COL21A1: variants seen among roughly 807,000 people sequenced by gnomAD.
COL21A1 encodes the protein collagen type XXI alpha 1 chain, also known as collagen alpha-1(XXI) chain.
A neutral mutation model predicts 137.9 loss-of-function variants in COL21A1; 149 were observed. That is an observed-to-expected ratio of 1.08 (90% CI 0.95 to 1.24). The LOEUF (loss-of-function observed/expected upper bound fraction) is 1.24, where lower values mean the gene tolerates loss of function less well. COL21A1 is among the 50% of genes most tolerant of loss of function. The pLI is 0.00. For synonymous variants in COL21A1, 456 were observed against 391.5 expected (o/e 1.16, Z -1.95); for missense variants, 1,167 against 1,158.4 (o/e 1.01, Z -0.11).
At chr6:56,328,034 T>A (rs2152343086) in intron 1 of COL21A1, among the ~76,000 whole-genome samples, 2 of 152,172 alleles carry the variant, frequency 1.3e-5, no homozygotes, top group Admixed American at 1.3e-4. Flanking sequence ...GGGGTCAGGC[T>A]GCCCATCATA....
intron 16 of COL21A1, among the ~76,000 whole-genome samples, chr6:56,118,620 A>G (rs905757363): frequency 1.3e-5 from 2 of 152,018 alleles, no homozygotes; most frequent in South Asian, 4.1e-4. Context: ...ACAAAAACAT[A>G]CCACAAAACA....
At position 56,168,828 on chromosome 6, in the gene COL21A1, A is replaced by T. The variant is rs145927957; in HGVS notation, c.1027-531T>A. Reference sequence around the variant, plus strand: ...CTGGACATTTTTCACCCCCTCTTTGACTCATCCATTCCTCCAGGCCAATTA... The same window carrying T: ...CTGGACATTTTTCACCCCCTCTTTGTCTCATCCATTCCTCCAGGCCAATTA... On this transcript the variant is annotated intron_variant, in intron 5 of 29. Transcript: ENST00000244728. Among the ~76,000 whole-genome samples the T allele has an allele frequency of 5.7e-3, 864 of 151,734 alleles. 6 individuals carry two copies. The highest frequency in any genetic ancestry group is 0.019 in the African/African-American group (774 of 41,420).
At chr6:56,141,693 A>G in intron 12 of COL21A1, 92 bp downstream of exon 12, 1 of 1,357,368 alleles carries the variant, frequency 7.4e-7, no homozygotes, top group Non-Finnish European at 1.1e-6. Context: ...AGAATTCACC[A>G]AGACGCAGAC....
chr6:56,138,624 G>A (rs1774178752), intron 12 of COL21A1, among the ~76,000 whole-genome samples: 1 of 152,060 alleles, frequency 6.6e-6, no homozygotes, highest in Non-Finnish European at 1.5e-5. Flanking sequence ...AAGACAAGAA[G>A]AAATAATTGA....
intron 5 of COL21A1, 54 bp downstream of exon 5, chr6:56,170,595 A>T: frequency 8.0e-7 from 1 of 1,248,172 alleles, no homozygotes; most frequent in Non-Finnish European, 1.1e-6. Context: ...ACATAAACCC[A>T]ATAGTGCTTC....
chr6:56,185,426 CT>C lies in COL21A1; in HGVS notation c.-38-2771del, dbSNP rs777045553. On this transcript the variant is annotated intron_variant, in intron 1 of 29. Coordinates refer to ENST00000244728, the MANE Select transcript of COL21A1 (RefSeq NM_030820.4). ...TAAGTGGACAGGCGAAATGAACAGT[CT>C]TTTTTTTTTTTTTTTTTTTGAGACG... 3.4e-3 allele frequency among the ~76,000 whole-genome samples: 338 copies of C among 100,146 alleles called. 3 individuals are homozygous for C. The highest frequency in any genetic ancestry group is 9.1e-3 in the African/African-American group (230 of 25,218). 65.7% of individuals were successfully genotyped at this position (100,146 alleles called of 152,430 possible).
At chr6:56,296,155 T>C (rs1247331956) in intron 1 of COL21A1, among the ~76,000 whole-genome samples, 2 of 152,006 alleles carry the variant, frequency 1.3e-5, no homozygotes, top group African/African-American at 4.8e-5. Flanking sequence ...TAAATATTAG[T>C]ATATTTCAGC....
chr6:56,260,226 C>G (rs1358737499), intron 1 of COL21A1, among the ~76,000 whole-genome samples: 3 of 152,102 alleles, frequency 2.0e-5, no homozygotes, highest in African/African-American at 7.2e-5. Context: ...ACTTAACTCA[C>G]AAGAAAGGCT....
chr6:56,068,914 C>T, intron 22 of COL21A1, 132 bp downstream of exon 22: 1 of 651,758 alleles, frequency 1.5e-6, no homozygotes, highest in Non-Finnish European at 2.7e-6. Context: ...ATTATACATA[C>T]ATCGAATATA....
intron 1 of COL21A1, among the ~76,000 whole-genome samples, chr6:56,233,944 T>C (rs1230981886): frequency 1.3e-5 from 2 of 151,840 alleles, no homozygotes; most frequent in African/African-American, 2.4e-5. Context: ...TAGGAAAATA[T>C]GTTTTAGTTA....
At chr6:56,347,841 G>T (rs1001854195) in intron 1 of COL21A1, among the ~76,000 whole-genome samples, 1 of 152,164 alleles carries the variant, frequency 6.6e-6, no homozygotes, top group Non-Finnish European at 1.5e-5. Flanking sequence ...TGGAGTAGGA[G>T]TATCTATTAT....
chr6:56,296,915 TC>T (rs1764175633), intron 1 of COL21A1, among the ~76,000 whole-genome samples: 1 of 152,068 alleles, frequency 6.6e-6, no homozygotes, highest in Non-Finnish European at 1.5e-5. Flanking sequence ...AACCTCATAT[TC>T]TTCATCATTG....
Position 56,103,093 on chromosome 6 carries a change from GA to G in COL21A1, c.1759-1569del, listed in dbSNP as rs551161040. Among the ~76,000 whole-genome samples the G allele has an allele frequency of 5.3e-4, 81 of 152,252 alleles. 2 individuals carry two copies. The South Asian group carries it at 0.016, about 31-fold the overall frequency. On this transcript the variant is annotated intron_variant, in intron 16 of 29. Transcript: ENST00000244728. ...TAACACTCATATCAATAGTCAGAAG[GA>G]ATCTCTCCTATTAGTAGTTCTCAAA...
At chr6:56,172,290 C>T (rs913129685) in intron 3 of COL21A1, among the ~76,000 whole-genome samples, 7 of 152,058 alleles carry the variant, frequency 4.6e-5, no homozygotes, top group Non-Finnish European at 8.8e-5. Context: ...AAAAAAGAGA[C>T]TTGTTATGTA....
chr6:56,101,567 G>GTCC, intron 16 of COL21A1, 42 bp from the exon 17 acceptor site: 1 of 1,414,232 alleles, frequency 7.1e-7, no homozygotes, highest in Non-Finnish European at 9.8e-7. Context: ...ATTCAGTTTT[G>GTCC]AGGTCTGCTT....
chr6:56,211,724 C>G (rs192171712), intron 1 of COL21A1, among the ~76,000 whole-genome samples: 1 of 152,032 alleles, frequency 6.6e-6, no homozygotes, highest in African/African-American at 2.4e-5. Flanking sequence ...TAAACAAACG[C>G]TATTTCACTG....
intron 1 of COL21A1, among the ~76,000 whole-genome samples, chr6:56,330,927 T>C (rs541060933): frequency 6.6e-6 from 1 of 152,224 alleles, no homozygotes; most frequent in African/African-American, 2.4e-5. Context: ...CAACAGTTTA[T>C]AAGCATTCCC....
intron 17 of COL21A1, among the ~76,000 whole-genome samples, chr6:56,086,305 G>A (rs1197153618): frequency 1.3e-5 from 2 of 151,986 alleles, no homozygotes; most frequent in African/African-American, 2.4e-5. Flanking sequence ...GGGGTTAGTG[G>A]TGCCAAACCA....
At chr6:56,245,699 C>A (rs1196704149) in intron 1 of COL21A1, among the ~76,000 whole-genome samples, 1 of 152,166 alleles carries the variant, frequency 6.6e-6, no homozygotes, top group African/African-American at 2.4e-5. Flanking sequence ...ATGCAACTAT[C>A]CAAGAGCACA....
Sources: gnomAD v4.1 joint callset for allele counts (sites outside exome capture counted in the v4.1 genomes callset) on GRCh38, gnomAD v4.1.1 for gene constraint, MANE v1.5 for transcripts, NCBI Gene and HGNC (gene_info 2026-07-23, HGNC 2026-07-21) for gene names.